Variants in HERC1 observed in about 807,000 individuals in gnomAD.
The protein encoded by HERC1 is probable E3 ubiquitin-protein ligase HERC1.
A neutral mutation model predicts 554.3 loss-of-function variants in HERC1; 160 were observed. The ratio of observed to expected loss-of-function variants is 0.29; its 90% confidence interval spans 0.25 to 0.33. The LOEUF (loss-of-function observed/expected upper bound fraction) is 0.33, where lower values mean the gene tolerates loss of function less well. HERC1 is among the 10% of genes least tolerant of loss of function. The pLI is 1.00. For synonymous variants in HERC1, 2,175 were observed against 2,131.7 expected, an observed-to-expected ratio of 1.02 and a Z score of -0.56; for missense variants, 4,919 against 5,918.5, an observed-to-expected ratio of 0.83 and a Z score of 5.54.
intron 1 of HERC1, among the ~76,000 whole-genome samples, chr15:63,808,974 G>A (rs2077214436): frequency 6.6e-6 from 1 of 152,128 alleles, no homozygotes; most frequent in African/African-American, 2.4e-5. Flanking sequence ...GATACTTCAA[G>A]AACTCATTCT....
intron 1 of HERC1, among the ~76,000 whole-genome samples, chr15:63,824,581 T>C (rs922410350): frequency 1.8e-4 from 27 of 150,060 alleles, no homozygotes; most frequent in African/African-American, 6.6e-4. Context: ...GATCCAGCAA[T>C]CTCTCTTCTC....
At position 63,615,903 on chromosome 15, in the gene HERC1, A is replaced by C. The variant is rs189997840; in HGVS notation, c.13959T>G (p.Ser4653=). The part of the protein sequence containing the change: ...ESFHEMIPLD[S]FVGQSADGKM... ...TGCCATCAGCACTCTGGCCAACAAA[A>C]GAATCAAGAGGAATCATCTAGGAAC... The change falls in exon 76 of 78, where the codon TCT becomes TCG. Residue 4653 remains serine, a synonymous_variant. Coordinates refer to ENST00000443617, the MANE Select transcript of HERC1 (RefSeq NM_003922.4). 1.3e-6 allele frequency: 2 copies of C among 1,594,586 alleles called. No individual in the cohort carries two copies. The highest frequency in any genetic ancestry group is 2.3e-5 in the East Asian group (1 of 44,190).
At chr15:63,795,220 A>T (rs1385533593) in intron 1 of HERC1, among the ~76,000 whole-genome samples, 1 of 152,172 alleles carries the variant, frequency 6.6e-6, no homozygotes, top group Non-Finnish European at 1.5e-5. Flanking sequence ...GAGGAAGGAA[A>T]AACTGGGTCA....
chr15:63,719,304 G>C (rs1314660505), intron 19 of HERC1, among the ~76,000 whole-genome samples: 2 of 152,176 alleles, frequency 1.3e-5, no homozygotes, highest in Non-Finnish European at 2.9e-5. Flanking sequence ...ATGAAGTGGG[G>C]GAAAAAGCTT....
rs2070436364 is a variant in HERC1 at position 63,663,019 on chromosome 15, T to C, written c.8866A>G (p.Met2956Val). 1.2e-6 allele frequency: 2 copies of C among 1,613,922 alleles called. No individual in the cohort carries two copies. Among genetic ancestry groups the C allele is most frequent in the African/African-American group, 2.7e-5 (2 of 75,036 alleles). ...CAATCCAGTACCTCTGGGATCCACATTCCCAGAATATCATTGTCACTGGTC... is the reference window on the plus strand; with the variant it reads ...CAATCCAGTACCTCTGGGATCCACACTCCCAGAATATCATTGTCACTGGTC... Reference protein sequence around the residue: ...DLTSDNDILGMWIPEVLDWPT... With the variant: ...DLTSDNDILGVWIPEVLDWPT... Residue 2956 changes from methionine to valine, a missense_variant, in exon 44 of 78, where the codon ATG becomes GTG. Around this residue, in one of 11 missense-constraint regions of HERC1, gnomAD observed 1,963 missense variants for 2,228.6 expected, o/e 0.88. Coordinates refer to ENST00000443617, the MANE Select transcript of HERC1 (RefSeq NM_003922.4).
At chr15:63,625,693 C>CAAAAAA (rs536157824) in intron 71 of HERC1, among the ~76,000 whole-genome samples, 3 of 111,866 alleles carry the variant, frequency 2.7e-5, no homozygotes, top group Admixed American at 9.5e-5. Flanking sequence ...GACTCCATCT[C>CAAAAAA]AAAAAAAAAA....
chr15:63,664,419 C>T, intron 43 of HERC1, 51 bp downstream of exon 43: 1 of 1,559,074 alleles, frequency 6.4e-7, no homozygotes, highest in South Asian at 1.2e-5. Flanking sequence ...CTTTACATTG[C>T]TTTCAAAATA....
intron 51 of HERC1, 76 bp downstream of exon 51, chr15:63,654,043 T>C: frequency 6.2e-6 from 7 of 1,135,556 alleles, no homozygotes; most frequent in Non-Finnish European, 9.2e-6. Context: ...ACCTAAACTT[T>C]GAGCTCCTTG....
At chr15:63,764,697 C>T (rs2075717239) in intron 2 of HERC1, among the ~76,000 whole-genome samples, 1 of 152,168 alleles carries the variant, frequency 6.6e-6, no homozygotes, top group Non-Finnish European at 1.5e-5. Context: ...CAACCCCCAC[C>T]ACCAGGTATG....
intron 1 of HERC1, among the ~76,000 whole-genome samples, chr15:63,824,090 G>T (rs541660255): frequency 1.7e-4 from 26 of 152,056 alleles, no homozygotes; most frequent in Non-Finnish European, 3.5e-4. Flanking sequence ...CCACAATGAG[G>T]TATCACCTGA....
intron 44 of HERC1, among the ~76,000 whole-genome samples, chr15:63,662,450 C>T (rs1162372380): frequency 6.6e-6 from 1 of 152,188 alleles, no homozygotes; most frequent in Non-Finnish European, 1.5e-5. Context: ...GTAGGACTTA[C>T]ATCTATGAGC....
intron 38 of HERC1, 80 bp from the exon 39 acceptor site, chr15:63,672,774 CTGTT>C: frequency 3.3e-6 from 3 of 899,566 alleles, no homozygotes; most frequent in Admixed American, 5.8e-5. Context: ...AAACTTCTAC[CTGTT>C]TAATTTAAAA....
chr15:63,733,758 G>A (rs1158031929), intron 13 of HERC1, among the ~76,000 whole-genome samples: 1 of 152,108 alleles, frequency 6.6e-6, no homozygotes, highest in Non-Finnish European at 1.5e-5. Flanking sequence ...AGGCTGAGGT[G>A]GGAGAATCAC....
intron 25 of HERC1, among the ~76,000 whole-genome samples, chr15:63,703,477 A>G (rs1214349899): frequency 2.6e-5 from 4 of 152,236 alleles, no homozygotes; most frequent in African/African-American, 9.6e-5. Flanking sequence ...TCTCTCTCCT[A>G]TTCCTCTCAT....
At chr15:63,821,159 T>A (rs940383691) in intron 1 of HERC1, among the ~76,000 whole-genome samples, 1 of 152,174 alleles carries the variant, frequency 6.6e-6, no homozygotes, top group Non-Finnish European at 1.5e-5. Context: ...CATTAGCTCA[T>A]GCCTATAATC....
rs1303722009 is a variant in HERC1, at chr15:63,634,627, G to C, written c.12570+106C>G. On this transcript the variant is annotated intron_variant, in intron 66 of 77. Transcript: ENST00000443617. ...TTAGACCATAGCAAAATGTACATGAGGTTAGGTACAACTGGTGATCCTGAT... is the reference window on the plus strand; with the variant it reads ...TTAGACCATAGCAAAATGTACATGACGTTAGGTACAACTGGTGATCCTGAT... 13 of 783,430 alleles carry C rather than the reference G, an allele frequency of 1.7e-5. No individual in the cohort carries two copies. The Admixed American group carries it at 3.2e-4, about 19-fold the overall frequency. The allele number at this position is 783,430 out of a possible 1,614,324, so 48.5% of individuals were successfully genotyped here.
At chr15:63,621,847 C>G (rs549039050) in intron 74 of HERC1, among the ~76,000 whole-genome samples, 1 of 152,266 alleles carries the variant, frequency 6.6e-6, no homozygotes, top group African/African-American at 2.4e-5. Context: ...CCATCAGGTC[C>G]TTTAAGGACT....
At chr15:63,744,067 G>T (rs188710644) in intron 12 of HERC1, among the ~76,000 whole-genome samples, 1 of 149,680 alleles carries the variant, frequency 6.7e-6, no homozygotes, top group Non-Finnish European at 1.5e-5. Context: ...TGGATTATCA[G>T]GCAGAGACTC....
chr15:63,831,435 T>C (rs1035238581), intron 1 of HERC1, among the ~76,000 whole-genome samples: 1 of 152,166 alleles, frequency 6.6e-6, no homozygotes, highest in Non-Finnish European at 1.5e-5. Context: ...TTTTTAAAAA[T>C]AGCTTCAACA....
Sources: allele counts gnomAD v4.1 joint callset (sites outside exome capture counted in the v4.1 genomes callset), GRCh38; gene constraint gnomAD v4.1.1; regional missense constraint gnomAD v4.1.1; transcripts MANE v1.5; gene names NCBI Gene and HGNC (gene_info 2026-07-23, HGNC 2026-07-21).